Variants in INF2 observed in about 807,000 individuals in gnomAD.
INF2 encodes inverted formin 2.
In INF2, 43 loss-of-function variants were observed where a neutral mutation model predicts 123.5. The ratio of observed to expected loss-of-function variants is 0.35; its 90% CI spans 0.27 to 0.45. INF2 has a LOEUF of 0.45. Among genes scored for constraint, INF2 ranks in the 20% least tolerant of loss-of-function variants. The pLI is 1.00. For synonymous variants in INF2, 851 were observed against 745.0 expected, an observed-to-expected ratio of 1.14 and a Z score of -2.32; for missense variants, 1,453 against 1,682.7, an observed-to-expected ratio of 0.86 and a Z score of 2.39.
At chr14:104,705,417 A>G (rs1329078733) in intron 5 of INF2, among the ~76,000 whole-genome samples, 1 of 54,158 alleles carries the variant, frequency 1.8e-5, no homozygotes, top group Non-Finnish European at 3.5e-5. Context: ...ACTCCATCTC[A>G]AAAAAAAAAA....
chr14:104,701,143 C>A (rs927661633), intron 1 of INF2, among the ~76,000 whole-genome samples: 1 of 152,162 alleles, frequency 6.6e-6, no homozygotes, highest in Non-Finnish European at 1.5e-5. Context: ...TTCCTGCCTG[C>A]CGCCTCGGTT....
upstream of INF2, among the ~76,000 whole-genome samples, chr14:104,689,076 A>G (rs535916247): frequency 1.3e-5 from 2 of 152,198 alleles, no homozygotes; most frequent in East Asian, 3.9e-4. Flanking sequence ...TCAAGGGTGG[A>G]AGGGGGTCAG....
Position 104,689,743 on chromosome 14 carries a change from A to G in INF2, c.-10+4A>G, listed in dbSNP as rs1436906163. 9.1e-6 allele frequency: 9 copies of G among 984,934 alleles called. No individual in the cohort carries two copies. The highest frequency in any genetic ancestry group is 1.1e-5 in the Non-Finnish European group (9 of 829,822). The allele number at this position is 984,934 out of a possible 1,614,324, so 61.0% of individuals were successfully genotyped here. On this transcript the variant is annotated splice_donor_region_variant and intron_variant, in intron 1 of 22. Transcript: ENST00000392634. Reference sequence around the variant, plus strand: ...CCTCTGGCCGTTGCCTCACCGGGTAAGTCCTTGGCCTCGGGGTCCGCTTGG... The same window carrying G: ...CCTCTGGCCGTTGCCTCACCGGGTAGGTCCTTGGCCTCGGGGTCCGCTTGG...
upstream of INF2, chr14:104,689,574 C>G: frequency 3.3e-6 from 3 of 917,584 alleles, no homozygotes; most frequent in Non-Finnish European, 3.8e-6. Context: ...ACGGGCGGGG[C>G]GGCACCTCCT....
intron 2 of INF2, among the ~76,000 whole-genome samples, chr14:104,702,769 G>T (rs1488061795): frequency 6.6e-6 from 1 of 152,246 alleles, no homozygotes; most frequent in South Asian, 2.1e-4. Context: ...AGATGGGGTG[G>T]GAGGCAGGGG....
intron 2 of INF2, 65 bp from the exon 3 acceptor site, chr14:104,703,040 C>A: frequency 7.4e-7 from 1 of 1,348,458 alleles, no homozygotes; most frequent in Non-Finnish European, 1.0e-6. Flanking sequence ...AGCCCTGAGC[C>A]CAGCTGCACA....
At chr14:104,696,063 C>T (rs1889176400) in intron 1 of INF2, among the ~76,000 whole-genome samples, 1 of 152,190 alleles carries the variant, frequency 6.6e-6, no homozygotes, top group Non-Finnish European at 1.5e-5. Flanking sequence ...GTATCGCACC[C>T]ACCATGTGAT....
chr14:104,687,101 G>A (rs1376348884), upstream of INF2, among the ~76,000 whole-genome samples: 2 of 152,174 alleles, frequency 1.3e-5, no homozygotes, highest in African/African-American at 2.4e-5. This position sits in a 1 kb window ranked among gnomAD's most constrained non-coding sequence, Gnocchi z 5.6. Context: ...AGGAAGGACC[G>A]ACACCCAGGA....
chr14:104,718,467 T>C (rs1016922172), intron 22 of INF2, among the ~76,000 whole-genome samples: 2 of 149,524 alleles, frequency 1.3e-5, no homozygotes, highest in Admixed American at 6.6e-5. Flanking sequence ...TGGGGATGAA[T>C]GAGTAAGGAC....
At chr14:104,681,196 C>G (rs1009832054) in exon 1 of INF2, 3 of 318,750 alleles carry the variant, frequency 9.4e-6, no homozygotes, top group African/African-American at 2.2e-5. Flanking sequence ...GGAAATGGGG[C>G]GGGCGAGGAG....
At chr14:104,696,471 G>A (rs543237691) in intron 1 of INF2, among the ~76,000 whole-genome samples, 5 of 152,372 alleles carry the variant, frequency 3.3e-5, no homozygotes, top group African/African-American at 4.8e-5. Flanking sequence ...GGGCCTTGCC[G>A]GCAGTTGGTG....
At chr14:104,689,081 G>C (rs1331460856), upstream of INF2, among the ~76,000 whole-genome samples, 2 of 152,228 alleles carry the variant, frequency 1.3e-5, no homozygotes, top group Non-Finnish European at 2.9e-5. Flanking sequence ...GGTGGAAGGG[G>C]GTCAGGCAGG....
chr14:104,716,445 C>T (rs928980781), intron 22 of INF2, among the ~76,000 whole-genome samples: 5 of 152,214 alleles, frequency 3.3e-5, no homozygotes, highest in Non-Finnish European at 7.3e-5. Flanking sequence ...GCTGGCATCT[C>T]CCTTAGAGGC....
upstream of INF2, among the ~76,000 whole-genome samples, chr14:104,687,260 C>T (rs1566769275): frequency 1.3e-5 from 2 of 152,150 alleles, no homozygotes; most frequent in South Asian, 4.2e-4. The surrounding 1 kb of genome is among the most constrained non-coding windows in gnomAD (Gnocchi z 5.6). Context: ...AGGATGGAGT[C>T]TGGGAGCGCT....
At chr14:104,689,413 C>G (rs1313772687), upstream of INF2, among the ~76,000 whole-genome samples, 1 of 152,106 alleles carries the variant, frequency 6.6e-6, no homozygotes, top group Non-Finnish European at 1.5e-5. Context: ...CAGCAGGGAC[C>G]GCGAGGGGGC....
rs1890465860 is a variant in INF2 at position 104,719,456 on chromosome 14, G to C, written c.*663G>C. ...GTGGGCAGGCCCTGGGGACAATACA[G>C]GTCCACCTGAGGGGCTGCAGGGTGA... On this transcript the variant is annotated 3_prime_UTR_variant, in exon 23 of 23. Coordinates refer to ENST00000392634, the MANE Select transcript of INF2 (RefSeq NM_022489.4). The C allele has an allele frequency of 6.6e-6, 1 of 152,178 alleles. No individual in the cohort carries two copies. The allele number at this position is 152,178 out of a possible 1,614,324, so 9.4% of individuals were successfully genotyped here. A position where few individuals can be genotyped will look rare whatever the true frequency, so the allele number is the denominator to read the frequency against.
intron 1 of INF2, among the ~76,000 whole-genome samples, chr14:104,694,836 C>T (rs1460804981): frequency 1.3e-5 from 2 of 152,140 alleles, no homozygotes; most frequent in African/African-American, 4.8e-5. Context: ...GGCTCGTGGG[C>T]AGGCAGCGGG....
chr14:104,705,795 C>T (rs1440742148), intron 5 of INF2, among the ~76,000 whole-genome samples: 4 of 152,200 alleles, frequency 2.6e-5, no homozygotes, highest in African/African-American at 9.7e-5. Context: ...CAGGGGCGTG[C>T]GGGTGCCTGG....
intron 1 of INF2, 125 bp from the exon 2 acceptor site, chr14:104,701,232 T>C: frequency 9.0e-7 from 1 of 1,111,464 alleles, no homozygotes; most frequent in Non-Finnish European, 1.3e-6. Context: ...ACCCTCAGCA[T>C]GGCACGTGAG....
Sources: gnomAD v4.1 joint callset for allele counts (sites outside exome capture counted in the v4.1 genomes callset) on GRCh38, gnomAD v4.1.1 for gene constraint, Gnocchi (gnomAD v3.1) non-coding constraint, MANE v1.5 for transcripts, NCBI Gene and HGNC (gene_info 2026-07-23, HGNC 2026-07-21) for gene names.